CNTNAP2: variants seen among roughly 807,000 people sequenced by gnomAD.
CNTNAP2 encodes contactin-associated protein-like 2.
In CNTNAP2, 98 loss-of-function variants were observed where a neutral mutation model predicts 155.2. The observed-to-expected ratio is 0.63, with a 90% CI of 0.54 to 0.75. The LOEUF is 0.75. Among genes scored for constraint, CNTNAP2 ranks in the 30% least tolerant of loss-of-function variants. CNTNAP2 has a pLI of 0.00. For missense variants in CNTNAP2, 1,727 were observed against 1,688.1 expected, an observed-to-expected ratio of 1.02 and a Z score of -0.40; for synonymous variants, 651 against 631.2, an observed-to-expected ratio of 1.03 and a Z score of -0.47.
intron 1 of CNTNAP2, among the ~76,000 whole-genome samples, chr7:146,461,831 G>A (rs1427076896): frequency 6.6e-6 from 1 of 152,160 alleles, no homozygotes; most frequent in Non-Finnish European, 1.5e-5. Flanking sequence ...TTGTAGGTCA[G>A]TGTTCTGGAA....
At chr7:147,376,198 C>T (rs561453728) in intron 9 of CNTNAP2, among the ~76,000 whole-genome samples, 22 of 152,134 alleles carry the variant, frequency 1.4e-4, no homozygotes, top group African/African-American at 5.1e-4. Flanking sequence ...GTATTTATCA[C>T]GTTTGTATGA....
chr7:148,080,043 G>A (rs185897164), intron 15 of CNTNAP2, among the ~76,000 whole-genome samples: 137 of 152,308 alleles, frequency 9.0e-4, no homozygotes, highest in Non-Finnish European at 1.4e-3. Flanking sequence ...TCACCAAGTT[G>A]TCTCCCTATG....
intron 1 of CNTNAP2, among the ~76,000 whole-genome samples, chr7:146,119,183 C>T (rs1233648634): frequency 1.3e-5 from 2 of 152,008 alleles, no homozygotes; most frequent in African/African-American, 4.8e-5. Context: ...GAGGTCATCA[C>T]AAGACAAAAA....
chr7:146,888,671 A>G lies in CNTNAP2; in HGVS notation c.402+48767A>G, dbSNP rs184474197. Among the ~76,000 whole-genome samples the G allele has an allele frequency of 5.6e-4, 86 of 152,244 alleles. No individual in the cohort carries two copies. The East Asian group carries it at 0.016, about 28-fold the overall frequency. On this transcript the variant is annotated intron_variant, in intron 3 of 23. Transcript: ENST00000361727. ...TACACTGAAATATTATTCAGCTTTA[A>G]AAAACAAGGAAATCCTGTCACTTGA... is the stretch of plus-strand genomic sequence containing the variant.
chr7:147,112,888 A>T (rs1346103221), intron 5 of CNTNAP2, among the ~76,000 whole-genome samples: 1 of 152,130 alleles, frequency 6.6e-6, no homozygotes, highest in Non-Finnish European at 1.5e-5. Flanking sequence ...TACCAGGATG[A>T]TGCTGGCCTC....
intron 11 of CNTNAP2, among the ~76,000 whole-genome samples, chr7:147,544,661 G>A (rs1180802443): frequency 6.6e-6 from 1 of 151,838 alleles, no homozygotes. Context: ...AGATTTGGCT[G>A]TGTGCCCACC....
At chr7:147,806,148 G>A (rs911791817) in intron 13 of CNTNAP2, among the ~76,000 whole-genome samples, 2 of 152,016 alleles carry the variant, frequency 1.3e-5, no homozygotes, top group Non-Finnish European at 2.9e-5. Context: ...CAACTCAATA[G>A]CAAAAAGCAA....
chr7:148,328,873 G>C (rs1585276882), intron 21 of CNTNAP2, among the ~76,000 whole-genome samples: 1 of 150,396 alleles, frequency 6.6e-6, no homozygotes, highest in Non-Finnish European at 1.5e-5. Flanking sequence ...CTACTCAGGA[G>C]GTTGAGGCAG....
chr7:146,133,189 T>G (rs1797743592), intron 1 of CNTNAP2, among the ~76,000 whole-genome samples: 1 of 152,154 alleles, frequency 6.6e-6, no homozygotes. Flanking sequence ...TTTCATGTGT[T>G]TTTTGTTTGC....
At chr7:146,303,549 G>GTT in intron 1 of CNTNAP2, among the ~76,000 whole-genome samples, 1 of 152,140 alleles carries the variant, frequency 6.6e-6, no homozygotes, top group African/African-American at 2.4e-5. Context: ...ACTGGAGCAG[G>GTT]TTTTTCAGTT....
At chr7:147,552,638 C>T (rs570001648) in intron 11 of CNTNAP2, among the ~76,000 whole-genome samples, 3 of 151,368 alleles carry the variant, frequency 2.0e-5, no homozygotes, top group African/African-American at 7.3e-5. Flanking sequence ...TCTACACTTC[C>T]AAGAGTCATT....
intron 15 of CNTNAP2, among the ~76,000 whole-genome samples, chr7:147,978,728 G>A (rs945448149): frequency 6.6e-5 from 10 of 152,102 alleles, no homozygotes; most frequent in African/African-American, 1.9e-4. Flanking sequence ...CCTGGGCATC[G>A]TTTTCTCTCT....
At chr7:146,348,731 T>C (rs1336185928) in intron 1 of CNTNAP2, among the ~76,000 whole-genome samples, 1 of 131,098 alleles carries the variant, frequency 7.6e-6, no homozygotes, top group Non-Finnish European at 1.5e-5. Context: ...GTAGGAATGT[T>C]AACAGATTTC....
chr7:146,879,652 A>G (rs551944430), intron 3 of CNTNAP2, among the ~76,000 whole-genome samples: 1 of 152,228 alleles, frequency 6.6e-6, no homozygotes, highest in Non-Finnish European at 1.5e-5. Flanking sequence ...GCCTGGGTCC[A>G]GAACCTGGCA....
chr7:147,592,062 A>G (rs540915550), intron 12 of CNTNAP2, among the ~76,000 whole-genome samples: 22 of 152,282 alleles, frequency 1.4e-4, no homozygotes, highest in Admixed American at 6.5e-4. Flanking sequence ...TATCTTTCAT[A>G]TCACTGACAT....
At chr7:147,179,778 G>T (rs1378720121) in intron 8 of CNTNAP2, among the ~76,000 whole-genome samples, 1 of 152,062 alleles carries the variant, frequency 6.6e-6, no homozygotes, top group Non-Finnish European at 1.5e-5. Context: ...CAGTGGTTTT[G>T]GGAAAGAGGA....
chr7:146,706,630 C>T (rs1011200248), intron 1 of CNTNAP2, among the ~76,000 whole-genome samples: 5 of 151,934 alleles, frequency 3.3e-5, no homozygotes, highest in Non-Finnish European at 1.5e-5. Context: ...CATAGATGGA[C>T]CTGGAGGCCA....
At chr7:146,855,816 T>TAC (rs1190064090) in intron 3 of CNTNAP2, among the ~76,000 whole-genome samples, 2 of 32,178 alleles carry the variant, frequency 6.2e-5, no homozygotes, top group East Asian at 1.2e-3. Context: ...AGTATATATA[T>TAC]ATATATATAT....
rs574187892 is a variant in CNTNAP2, at chr7:148,098,119, A to C, written c.2384-19999A>C. ...TATGTGGGAAGTGTTCTGGGCAGAA[A>C]ACATGTTCTGAAGCTGGAACAAGCT... is the stretch of plus-strand genomic sequence containing the variant. On this transcript the variant is annotated intron_variant, in intron 15 of 23. Transcript: ENST00000361727. Among the ~76,000 whole-genome samples the C allele has an allele frequency of 1.3e-3, 197 of 152,194 alleles. 1 individual carries two copies. The highest frequency in any genetic ancestry group is 4.6e-3 in the African/African-American group (190 of 41,542).
Sources: allele counts gnomAD v4.1 joint callset (sites outside exome capture counted in the v4.1 genomes callset), GRCh38; gene constraint gnomAD v4.1.1; transcripts MANE v1.5; gene names NCBI Gene and HGNC (gene_info 2026-07-23, HGNC 2026-07-21).